Variants in PEX2 observed in about 807,000 individuals in gnomAD.
The protein encoded by PEX2 is peroxisomal biogenesis factor 2.
PEX2 carries 19 observed loss-of-function variants against 25.2 expected under a neutral mutation model. The ratio of observed to expected loss-of-function variants is 0.75; its 90% confidence interval spans 0.53 to 1.10. The LOEUF (loss-of-function observed/expected upper bound fraction) is 1.10. Among genes scored for constraint, PEX2 ranks in the 50% least tolerant of loss-of-function variants. PEX2 has a pLI of 0.00. For synonymous variants in PEX2, 141 were observed against 127.7 expected (o/e 1.10, Z -0.70); for missense variants, 347 against 350.6 (o/e 0.99, Z 0.08).
At chr8:76,984,853 T>C (rs1806959382) in intron 3 of PEX2, among the ~76,000 whole-genome samples, 1 of 152,086 alleles carries the variant, frequency 6.6e-6, no homozygotes, top group African/African-American at 2.4e-5. Flanking sequence ...GGAACAAGAA[T>C]GCAGAAATAT....
chr8:76,991,557 A>AT (rs1409595325), intron 1 of PEX2, among the ~76,000 whole-genome samples: 5 of 152,194 alleles, frequency 3.3e-5, no homozygotes, highest in African/African-American at 7.2e-5. Context: ...CATTTTAGTC[A>AT]TTTTTGTGAC....
At chr8:76,999,928 GACCTCCCAGCTGAAAAC>G (rs1481606292) in intron 1 of PEX2, 45 bp downstream of exon 1, 1 of 456,384 alleles carries the variant, frequency 2.2e-6, no homozygotes, top group Non-Finnish European at 4.4e-6. Context: ...GAAACTCCAC[GACCTCCCAGCTGAAAAC>G]AAGACCTCGG....
At chr8:76,994,572 T>C (rs1329082030) in intron 1 of PEX2, among the ~76,000 whole-genome samples, 1 of 152,134 alleles carries the variant, frequency 6.6e-6, no homozygotes, top group Non-Finnish European at 1.5e-5. Context: ...CCATTAGGCA[T>C]ATTTGTCAAT....
At position 76,982,942 on chromosome 8, in the gene PEX2, T is replaced by C. The variant is rs78045204; in HGVS notation, c.*319A>G. On this transcript the variant is annotated 3_prime_UTR_variant, in exon 4 of 4. Coordinates refer to ENST00000357039, the MANE Select transcript of PEX2 (RefSeq NM_000318.3). The stretch of plus-strand genomic sequence containing the variant: ...CATCCCAGAGTCTCCAAAATCTTTA[T>C]CTTTAGAATCCAACCTTGTTTTAAG... 6.8e-3 allele frequency: 2,904 copies of C among 429,370 alleles called. 13 individuals carry two copies. The highest frequency in any genetic ancestry group is 9.5e-3 in the Non-Finnish European group (2,458 of 258,520). 26.6% of individuals were successfully genotyped at this position (429,370 alleles called of 1,614,324 possible).
rs189268555 is a variant in PEX2, at chr8:76,981,856, C to T, written c.*1405G>A. ...CTTAAGATGTAAAATACTCTTAACT[C>T]AAACTACAAAACTTCTTCAGTATCT... On this transcript the variant is annotated 3_prime_UTR_variant, in exon 4 of 4. Transcript: ENST00000357039. The T allele has an allele frequency of 9.9e-5, 15 of 152,256 alleles. No individual in the cohort carries two copies. Among genetic ancestry groups the T allele is most frequent in the Admixed American group, 9.8e-4 (15 of 15,302 alleles). 9.4% of individuals were successfully genotyped at this position (152,256 alleles called of 1,614,324 possible). A position where few individuals can be genotyped will look rare whatever the true frequency, so the allele number is the denominator to read the frequency against.
At chr8:76,995,620 C>T (rs1327493207) in intron 1 of PEX2, among the ~76,000 whole-genome samples, 2 of 152,096 alleles carry the variant, frequency 1.3e-5, no homozygotes, top group Non-Finnish European at 2.9e-5. Flanking sequence ...GTATCTAAAA[C>T]TAGCACAAAA....
Position 76,983,563 on chromosome 8 carries a change from A to G in PEX2, c.616T>C (p.Phe206Leu), listed in dbSNP as rs750934289. Residue 206 changes from phenylalanine (F) to leucine (L), a missense_variant, in exon 4 of 4, where the codon TTT becomes CTT. By Grantham distance (22) the Phe-to-Leu change is conservative. Transcript: ENST00000357039. ...LWHGFAEFLI[F>L]LLPLINVQKL... ...TGGACATTGATAAGTGGTAAGAGAA[A>G]AATCAGAAATTCAGCAAAACCATGC... is the stretch of plus-strand genomic sequence containing the variant. 3.1e-6 allele frequency: 5 copies of G among 1,614,112 alleles called. No homozygotes were observed. In the South Asian group the frequency reaches 5.5e-5, roughly 18 times the overall value.
intron 1 of PEX2, among the ~76,000 whole-genome samples, chr8:76,998,827 A>T (rs551218874): frequency 6.6e-6 from 1 of 152,334 alleles, no homozygotes; most frequent in South Asian, 2.1e-4. Context: ...TCTAAAAATA[A>T]GGAGAATACG....
At chr8:76,994,280 T>C (rs1054919213) in intron 1 of PEX2, among the ~76,000 whole-genome samples, 5 of 152,186 alleles carry the variant, frequency 3.3e-5, no homozygotes, top group African/African-American at 4.8e-5. Context: ...CAAATGACTG[T>C]ATCTCACTGA....
At chr8:76,998,075 A>G (rs1807389221) in intron 1 of PEX2, among the ~76,000 whole-genome samples, 1 of 152,250 alleles carries the variant, frequency 6.6e-6, no homozygotes, top group South Asian at 2.1e-4. Context: ...TCATCAAAAG[A>G]GGAAAAAATG....
At position 76,983,413 on chromosome 8, in the gene PEX2, T is replaced by G. The variant is rs1220452895; in HGVS notation, c.766A>C (p.Thr256Pro). 2 of 1,614,128 alleles carry G rather than the reference T, an allele frequency of 1.2e-6. No homozygotes were observed. The highest frequency in any genetic ancestry group is 1.7e-6 in the Non-Finnish European group (2 of 1,180,010). ...CAGAAAATATGCTCACATCCTATGG[T>G]GTGAGGCATGGTGGGCCACTCTCCA... Reference protein sequence around the residue: ...LCGEWPTMPHTIGCEHIFCYF... With the variant: ...LCGEWPTMPHPIGCEHIFCYF... The change falls in exon 4 of 4, where the codon ACC becomes CCC. Residue 256 changes from threonine to proline, a missense_variant. Coordinates refer to ENST00000357039, the MANE Select transcript of PEX2 (RefSeq NM_000318.3).
intron 1 of PEX2, among the ~76,000 whole-genome samples, chr8:76,997,982 A>G (rs1432733140): frequency 2.0e-5 from 3 of 152,248 alleles, no homozygotes; most frequent in Non-Finnish European, 4.4e-5. Context: ...GAAAAGGAAC[A>G]TGAAACATTT....
rs2132043781 is a variant in PEX2, at chr8:76,983,654, AG to A, written c.524del (p.Ser175LeufsTer17). 6.2e-6 allele frequency: 10 copies of A among 1,614,212 alleles called. No homozygotes were observed. Among genetic ancestry groups the A allele is most frequent in the Non-Finnish European group, 7.6e-6 (9 of 1,180,034 alleles). ...TLTERLLGIH[S>X]VFCKPQNICE... is the part of the protein sequence containing the mutation. ...ATATGTTTTGAGGCTTGCAAAATACAGAATGAATACCTAGGAGACGTTCTGT... is the reference window on the plus strand; with the variant it reads ...ATATGTTTTGAGGCTTGCAAAATACAAATGAATACCTAGGAGACGTTCTGT... On this transcript the variant is annotated frameshift_variant, in exon 4 of 4. Transcript: ENST00000357039. LOFTEE classifies it high-confidence loss of function.
intron 2 of PEX2, among the ~76,000 whole-genome samples, chr8:76,986,693 A>G (rs541161583): frequency 1.3e-5 from 2 of 152,162 alleles, no homozygotes; most frequent in Non-Finnish European, 2.9e-5. Flanking sequence ...CTGAAAACTC[A>G]TACTAAGATT....
rs776776770 is a variant in PEX2 at position 76,984,128 on chromosome 8, T to A, written c.51A>T (p.Ile17=). 6.2e-7 allele frequency: 1 copy of A among 1,614,072 alleles called. No homozygotes were observed. The highest frequency in any genetic ancestry group is 1.3e-5 in the African/African-American group (1 of 75,034). ...NAKSANRVLR[I]SQLDALELNK... is the part of the protein sequence containing the mutation. ...TTAGTTCAAGTGCATCCAACTGGCT[T>A]ATTCTTAGCACTCTGTTTGCACTCT... Residue 17 remains isoleucine (I), a synonymous_variant, in exon 4 of 4, where the codon ATA becomes ATT. Transcript: ENST00000357039.
chr8:76,996,512 A>G (rs912916980), intron 1 of PEX2, among the ~76,000 whole-genome samples: 1 of 152,236 alleles, frequency 6.6e-6, no homozygotes, highest in Admixed American at 6.5e-5. Context: ...GGCACAAACT[A>G]TGGGAAAAAC....
At chr8:76,987,282 C>T (rs1356138525) in intron 2 of PEX2, among the ~76,000 whole-genome samples, 1 of 152,130 alleles carries the variant, frequency 6.6e-6, no homozygotes. Flanking sequence ...ATGGTTACAA[C>T]TATACTTCAG....
chr8:76,999,782 C>T (rs1330374112), intron 1 of PEX2: 2 of 453,620 alleles, frequency 4.4e-6, no homozygotes, highest in Non-Finnish European at 8.9e-6. Context: ...TGCCGCGATC[C>T]TAAAAACATC....
In PEX2 at chr8:76,981,897, C is replaced by G. The variant is rs997971471; in HGVS notation, c.*1364G>C. ...TTCAGTATCTTACACTAAATTGAAC[C>G]TAAATTAAACTTACAGTTCATTCAA... On this transcript the variant is annotated 3_prime_UTR_variant, in exon 4 of 4. Transcript: ENST00000357039. The G allele has an allele frequency of 1.3e-5, 2 of 152,114 alleles. No homozygotes were observed. The highest frequency in any genetic ancestry group is 4.8e-5 in the African/African-American group (2 of 41,432). The allele number at this position is 152,114 out of a possible 1,614,324, so 9.4% of individuals were successfully genotyped here.
Sources: allele counts gnomAD v4.1 joint callset (sites outside exome capture counted in the v4.1 genomes callset), GRCh38; gene constraint gnomAD v4.1.1; transcripts MANE v1.5; gene names NCBI Gene and HGNC (gene_info 2026-07-23, HGNC 2026-07-21).